The following METTL15 variants were observed in gnomAD, a reference collection of about 807,000 sequenced individuals.
METTL15 encodes methyltransferase 15, mitochondrial 12S rRNA N4-cytidine, also known as 12S rRNA N(4)-cytidine methyltransferase METTL15.
Under a neutral mutation model 38.3 loss-of-function variants are expected in METTL15, and 34 were observed. The ratio of observed to expected loss-of-function variants is 0.89; its 90% CI spans 0.68 to 1.18. The LOEUF is 1.18. Ranked by LOEUF, METTL15 falls within the 50% of genes most tolerant of loss-of-function variation. METTL15 has a pLI of 0.00. For missense variants in METTL15, 438 were observed against 498.4 expected, an observed-to-expected ratio of 0.88 and a Z score of 1.15; for synonymous variants, 162 against 170.9, an observed-to-expected ratio of 0.95 and a Z score of 0.41.
At chr11:28,424,545 A>G (rs2133423800) in intron 6 of METTL15, among the ~76,000 whole-genome samples, 1 of 152,330 alleles carries the variant, frequency 6.6e-6, no homozygotes, top group Non-Finnish European at 1.5e-5. Context: ...GAAAAGCATT[A>G]GCATGGGCTC....
chr11:28,430,293 G>A (rs200796530), intron 6 of METTL15, among the ~76,000 whole-genome samples: 12 of 135,498 alleles, frequency 8.9e-5, no homozygotes, highest in South Asian at 2.6e-4. Context: ...CAGCCCCCCC[G>A]CCCGGCCAGC....
At chr11:28,126,497 A>G (rs1306455768) in intron 3 of METTL15, among the ~76,000 whole-genome samples, 49 of 152,102 alleles carry the variant, frequency 3.2e-4, no homozygotes, top group Admixed American at 3.1e-3. Flanking sequence ...ATTTGTTGAA[A>G]TAATTATTGA....
intron 3 of METTL15, among the ~76,000 whole-genome samples, chr11:28,184,067 G>C (rs953378182): frequency 1.3e-5 from 2 of 151,990 alleles, no homozygotes; most frequent in African/African-American, 4.8e-5. Context: ...GGTATTCTCT[G>C]ATGGTAGTTT....
chr11:28,283,944 A>G (rs895736215), intron 4 of METTL15, among the ~76,000 whole-genome samples: 1 of 152,172 alleles, frequency 6.6e-6, no homozygotes, highest in African/African-American at 2.4e-5. Context: ...GAAGTAAAGG[A>G]AAGAAGAGAG....
chr11:28,129,494 C>T (rs1565112136), intron 3 of METTL15, among the ~76,000 whole-genome samples: 2 of 151,906 alleles, frequency 1.3e-5, no homozygotes, highest in Admixed American at 1.3e-4. Flanking sequence ...ACTGCAACCT[C>T]CTCCTCCCAG....
chr11:28,261,906 A>G (rs1316283660), intron 4 of METTL15, among the ~76,000 whole-genome samples: 1 of 152,308 alleles, frequency 6.6e-6, no homozygotes, highest in East Asian at 1.9e-4. Context: ...CACATAGACC[A>G]CTATTGCTGT....
chr11:28,317,002 T>A (rs576326008), intron 6 of METTL15, among the ~76,000 whole-genome samples: 1 of 152,352 alleles, frequency 6.6e-6, no homozygotes, highest in South Asian at 2.1e-4. Flanking sequence ...AGTATAGAAT[T>A]AGTTTTATTG....
At chr11:28,273,962 C>G (rs933686635) in intron 4 of METTL15, among the ~76,000 whole-genome samples, 1 of 152,032 alleles carries the variant, frequency 6.6e-6, no homozygotes, top group African/African-American at 2.4e-5. Flanking sequence ...TCTACATAAA[C>G]TAAGCTAATG....
At chr11:28,171,404 T>C (rs1197402428) in intron 3 of METTL15, among the ~76,000 whole-genome samples, 1 of 152,164 alleles carries the variant, frequency 6.6e-6, no homozygotes, top group South Asian at 2.1e-4. Context: ...TTAGGTTGTA[T>C]TGAGGCTCAT....
chr11:28,379,555 A>G (rs972956659), intron 5 of METTL15, among the ~76,000 whole-genome samples: 1 of 152,052 alleles, frequency 6.6e-6, no homozygotes, highest in Non-Finnish European at 1.5e-5. Flanking sequence ...GTTTTATTCC[A>G]TTGTTATCAG....
intron 5 of METTL15, among the ~76,000 whole-genome samples, chr11:28,412,029 A>G (rs1850732051): frequency 6.6e-6 from 1 of 152,114 alleles, no homozygotes; most frequent in African/African-American, 2.4e-5. Flanking sequence ...ATGCAGATTA[A>G]AACCACTATG....
chr11:28,196,664 T>A (rs1409182769), intron 3 of METTL15, among the ~76,000 whole-genome samples: 1 of 151,940 alleles, frequency 6.6e-6, no homozygotes. Context: ...GATTCCCTCT[T>A]AAGAAAGACT....
intron 5 of METTL15, among the ~76,000 whole-genome samples, chr11:28,410,348 A>G (rs1429500785): frequency 1.3e-5 from 2 of 152,176 alleles, no homozygotes; most frequent in African/African-American, 4.8e-5. Context: ...AATATTTCTA[A>G]TGAACATTGA....
chr11:28,358,663 A>C (rs1027015120), intron 4 of METTL15, among the ~76,000 whole-genome samples: 44 of 152,244 alleles, frequency 2.9e-4, no homozygotes, highest in African/African-American at 1.1e-3. Context: ...ATAATTATTT[A>C]TGTGATCATC....
chr11:28,356,687 A>G (rs1377878550), intron 4 of METTL15, among the ~76,000 whole-genome samples: 7 of 152,246 alleles, frequency 4.6e-5, no homozygotes, highest in African/African-American at 1.7e-4. Context: ...TTTTCAGACC[A>G]GATGAACCAT....
intron 3 of METTL15, chr11:28,125,905 G>C (rs183194473): frequency 6.6e-6 from 1 of 151,926 alleles, no homozygotes; most frequent in Admixed American, 6.6e-5. Context: ...CGTATTCTAC[G>C]CATCAGTGGA....
chr11:28,455,753 C>A (rs911494255), intron 6 of METTL15, among the ~76,000 whole-genome samples: 2 of 152,156 alleles, frequency 1.3e-5, no homozygotes, highest in Non-Finnish European at 2.9e-5. Context: ...GTCACCCAGG[C>A]TGGAGTTCAC....
At chr11:28,501,054 C>G (rs758232089) in intron 6 of METTL15, among the ~76,000 whole-genome samples, 1 of 152,214 alleles carries the variant, frequency 6.6e-6, no homozygotes, top group African/African-American at 2.4e-5. Flanking sequence ...CATATTCCCA[C>G]TATCCTGCCT....
At chr11:28,415,900 G>C (rs1054981854) in intron 5 of METTL15, among the ~76,000 whole-genome samples, 2 of 152,154 alleles carry the variant, frequency 1.3e-5, no homozygotes, top group Non-Finnish European at 2.9e-5. Flanking sequence ...ACAGGAGGGA[G>C]AAAGAACTAA....
Sources: gnomAD v4.1 joint callset for allele counts (sites outside exome capture counted in the v4.1 genomes callset) on GRCh38, gnomAD v4.1.1 for gene constraint, MANE v1.5 for transcripts, NCBI Gene and HGNC (gene_info 2026-07-23, HGNC 2026-07-21) for gene names.